The following MYO3A variants were observed in gnomAD, a reference collection of about 807,000 sequenced individuals.
MYO3A encodes myosin-IIIa.
MYO3A carries 180 observed loss-of-function variants against 192.7 expected under a neutral mutation model. The ratio of observed to expected loss-of-function variants is 0.93; its 90% CI spans 0.83 to 1.06. MYO3A has a LOEUF of 1.06. Among genes scored for constraint, MYO3A ranks in the 50% least tolerant of loss-of-function variants. The pLI is 0.00. For synonymous variants in MYO3A, 628 were observed against 645.3 expected (o/e 0.97, Z 0.41); for missense variants, 1,896 against 1,905.0 (o/e 1.00, Z 0.09).
intron 26 of MYO3A, 46 bp from the exon 27 acceptor site, chr10:26,166,021 G>A: frequency 6.7e-7 from 1 of 1,485,250 alleles, no homozygotes; most frequent in Non-Finnish European, 9.4e-7. Context: ...CTACAGAGAT[G>A]TTGGCACTTT....
At chr10:26,114,017 A>G (rs1838351328) in intron 17 of MYO3A, among the ~76,000 whole-genome samples, 1 of 152,188 alleles carries the variant, frequency 6.6e-6, no homozygotes, top group East Asian at 1.9e-4. Context: ...ATTGCAGAGC[A>G]TCTCCTTCTA....
At chr10:26,115,757 G>A (rs533712377) in intron 17 of MYO3A, among the ~76,000 whole-genome samples, 2 of 152,266 alleles carry the variant, frequency 1.3e-5, no homozygotes, top group Non-Finnish European at 2.9e-5. Flanking sequence ...GGACTGATAA[G>A]TGCCTTCTAA....
chr10:26,034,517 C>A (rs1265762803), intron 10 of MYO3A, among the ~76,000 whole-genome samples: 1 of 152,144 alleles, frequency 6.6e-6, no homozygotes, highest in Non-Finnish European at 1.5e-5. Context: ...AAATTAGAAA[C>A]AGGAGAGCAC....
intron 14 of MYO3A, among the ~76,000 whole-genome samples, chr10:26,084,830 A>C (rs1836205844): frequency 1.3e-5 from 2 of 152,236 alleles, no homozygotes; most frequent in Admixed American, 1.3e-4. Context: ...AGAAGAGTTT[A>C]AGAAGTATTG....
At chr10:26,141,003 C>T (rs1366676748) in intron 20 of MYO3A, among the ~76,000 whole-genome samples, 2 of 152,142 alleles carry the variant, frequency 1.3e-5, no homozygotes, top group Non-Finnish European at 2.9e-5. Flanking sequence ...TCTCGGCTCA[C>T]TACAACCTCT....
intron 10 of MYO3A, among the ~76,000 whole-genome samples, chr10:26,042,149 A>C (rs72793958): frequency 0.16 from 24,739 of 152,074 alleles, 2,307 homozygotes; most frequent in Non-Finnish European, 0.21. Context: ...GCCACTCTCT[A>C]CTGGCCTGTA....
chr10:25,960,495 A>G (rs1837852597), intron 4 of MYO3A, among the ~76,000 whole-genome samples: 1 of 152,096 alleles, frequency 6.6e-6, no homozygotes. Context: ...ACTGTTGACC[A>G]GAAGCCTTAC....
chr10:25,938,384 C>G (rs1836253027), intron 2 of MYO3A, among the ~76,000 whole-genome samples: 1 of 152,110 alleles, frequency 6.6e-6, no homozygotes, highest in Admixed American at 6.5e-5. Context: ...TCAGAAATGG[C>G]CAGATCATTC....
intron 31 of MYO3A, among the ~76,000 whole-genome samples, chr10:26,188,148 C>T (rs1842950345): frequency 6.6e-6 from 1 of 152,200 alleles, no homozygotes; most frequent in African/African-American, 2.4e-5. Context: ...TCCTCTCCAG[C>T]ACCTGTTGTT....
intron 2 of MYO3A, among the ~76,000 whole-genome samples, chr10:25,944,348 C>G (rs1341395483): frequency 6.6e-6 from 1 of 151,988 alleles, no homozygotes; most frequent in Non-Finnish European, 1.5e-5. Context: ...AGATATTCAT[C>G]TCCAGTTTTA....
chr10:26,062,530 A>AAAAAAACAAAAAAAAAAAAAAAAAACG (rs1554816581), intron 10 of MYO3A, among the ~76,000 whole-genome samples: 24 of 126,006 alleles, frequency 1.9e-4, no homozygotes, highest in Non-Finnish European at 2.9e-4. Flanking sequence ...AAAAAAAAAA[A>AAAAAAACAAAAAAAAAAAAAAAAAACG]AAATTATGGA....
At chr10:26,117,110 C>T (rs1197326317) in intron 17 of MYO3A, among the ~76,000 whole-genome samples, 1 of 152,142 alleles carries the variant, frequency 6.6e-6, no homozygotes, top group Non-Finnish European at 1.5e-5. Context: ...TCATTATAAC[C>T]TCTCTGAAGA....
intron 17 of MYO3A, among the ~76,000 whole-genome samples, chr10:26,101,886 C>T (rs974969300): frequency 3.9e-5 from 6 of 152,104 alleles, no homozygotes; most frequent in African/African-American, 1.4e-4. Flanking sequence ...TGGAGTTGCT[C>T]TTCTGGAGGA....
intron 2 of MYO3A, among the ~76,000 whole-genome samples, chr10:25,946,945 A>G (rs1168961902): frequency 1.4e-5 from 2 of 145,732 alleles, no homozygotes; most frequent in African/African-American, 2.5e-5. Flanking sequence ...TTGGATTTCT[A>G]GATGCATGTC....
chr10:26,085,441 G>A (rs1836247023), intron 14 of MYO3A, among the ~76,000 whole-genome samples: 1 of 152,072 alleles, frequency 6.6e-6, no homozygotes, highest in African/African-American at 2.4e-5. Flanking sequence ...CATAGGCTTG[G>A]TATGTTGTGT....
At position 26,107,782 on chromosome 10, in the gene MYO3A, G is replaced by T. The variant is rs1387121939; in HGVS notation, c.1776+11100G>T. On this transcript the variant is annotated intron_variant, in intron 17 of 34. Coordinates refer to ENST00000642920, the MANE Select transcript of MYO3A (RefSeq NM_017433.5). ...GCCCTTACTCTTTTATCTTTAATTGGGTTTACAAGGGGGTTTCGAATCTTA... is the reference window on the plus strand; with the variant it reads ...GCCCTTACTCTTTTATCTTTAATTGTGTTTACAAGGGGGTTTCGAATCTTA... 3.3e-5 allele frequency among the ~76,000 whole-genome samples: 5 copies of T among 150,856 alleles called. No individual in the cohort carries two copies. The East Asian group carries it at 9.8e-4, about 29-fold the overall frequency.
At chr10:25,975,516 C>CTT (rs1838915054) in intron 4 of MYO3A, among the ~76,000 whole-genome samples, 2 of 151,400 alleles carry the variant, frequency 1.3e-5, no homozygotes, top group African/African-American at 4.9e-5. Context: ...TTTAAGGTTT[C>CTT]TCTAGGGTCT....
intron 34 of MYO3A, among the ~76,000 whole-genome samples, chr10:26,206,435 TTATTA>T (rs200846624): frequency 0.014 from 2,118 of 151,554 alleles, 51 homozygotes; most frequent in African/African-American, 0.048. Context: ...TTATTTTATT[TTATTA>T]TATTATTTAT....
chr10:26,176,636 C>T (rs1011896502), intron 30 of MYO3A, 65 bp from the exon 31 acceptor site: 12 of 1,473,854 alleles, frequency 8.1e-6, no homozygotes, highest in East Asian at 2.3e-5. Context: ...TCCCAGCCCC[C>T]GGTGCCTGCA....
Sources: gnomAD v4.1 joint callset for allele counts (sites outside exome capture counted in the v4.1 genomes callset) on GRCh38, gnomAD v4.1.1 for gene constraint, MANE v1.5 for transcripts, NCBI Gene and HGNC (gene_info 2026-07-23, HGNC 2026-07-21) for gene names.